The following DAP variants were observed in gnomAD, a reference collection of about 807,000 sequenced individuals.
The protein encoded by DAP is death-associated protein 1.
Under a neutral mutation model 13.8 loss-of-function variants are expected in DAP, and 8 were observed. That is an observed-to-expected ratio of 0.58 (90% CI 0.34 to 1.05). DAP has a LOEUF of 1.05. Ranked by LOEUF, DAP falls within the 50% of genes least tolerant of loss-of-function variation. The probability of loss-of-function intolerance (pLI) is 0.03; values close to 1 mark genes in which losing one functional copy is unlikely to be tolerated. For missense variants in DAP, 106 were observed against 133.2 expected, an observed-to-expected ratio of 0.80 and a Z score of 1.01; for synonymous variants, 47 against 47.5, an observed-to-expected ratio of 0.99 and a Z score of 0.04.
chr5:10,701,329 C>T (rs1326202590), intron 2 of DAP, among the ~76,000 whole-genome samples: 2 of 152,156 alleles, frequency 1.3e-5, no homozygotes, highest in East Asian at 1.9e-4. Context: ...ATGGAGAACG[C>T]AAGTCAAAGA....
Position 10,717,503 on chromosome 5 carries a change from C to T in DAP, c.152+30672G>A, listed in dbSNP as rs113362251. ...ACCATTTTTGCCAGAAGGAATTTCC[C>T]TATTCCCAGTAGTGGCAACATCCCC... On this transcript the variant is annotated intron_variant, in intron 2 of 3. Transcript: ENST00000230895. Among the ~76,000 whole-genome samples, 662 of 152,296 alleles carry T rather than the reference C, an allele frequency of 4.3e-3. 4 individuals carry two copies. The highest frequency in any genetic ancestry group is 0.021 in the South Asian group (102 of 4,826).
At chr5:10,688,589 A>C (rs1296378986) in intron 2 of DAP, among the ~76,000 whole-genome samples, 1 of 152,206 alleles carries the variant, frequency 6.6e-6, no homozygotes, top group African/African-American at 2.4e-5. Flanking sequence ...TTCATTATTG[A>C]AACGCAGACA....
intron 2 of DAP, among the ~76,000 whole-genome samples, chr5:10,728,893 TCTG>T: frequency 6.6e-6 from 1 of 152,334 alleles, no homozygotes; most frequent in East Asian, 1.9e-4. Flanking sequence ...CATCATTTAT[TCTG>T]CTTTTTTCAA....
intron 2 of DAP, among the ~76,000 whole-genome samples, chr5:10,739,458 A>G (rs1317466454): frequency 1.3e-5 from 2 of 152,108 alleles, no homozygotes; most frequent in Non-Finnish European, 2.9e-5. Context: ...CTAATTGACC[A>G]GTGAATTATA....
At chr5:10,704,867 A>G (rs1481347676) in intron 2 of DAP, among the ~76,000 whole-genome samples, 3 of 152,144 alleles carry the variant, frequency 2.0e-5, no homozygotes, top group African/African-American at 7.2e-5. Flanking sequence ...AGAGGTAGAC[A>G]GTCCCTGTGG....
At chr5:10,724,353 C>T (rs578202717) in intron 2 of DAP, among the ~76,000 whole-genome samples, 2 of 152,358 alleles carry the variant, frequency 1.3e-5, no homozygotes, top group Admixed American at 1.3e-4. Context: ...TTAATTCACG[C>T]TGTGCTTTTA....
intron 2 of DAP, among the ~76,000 whole-genome samples, chr5:10,735,692 G>A (rs1739591443): frequency 6.6e-6 from 1 of 151,980 alleles, no homozygotes; most frequent in African/African-American, 2.4e-5. Flanking sequence ...TCAGGAAAAT[G>A]GGCTGCTGCA....
intron 2 of DAP, among the ~76,000 whole-genome samples, chr5:10,739,624 G>C (rs1174680754): frequency 6.6e-6 from 1 of 152,130 alleles, no homozygotes; most frequent in Non-Finnish European, 1.5e-5. Flanking sequence ...TCCAATGGCA[G>C]GGCAGGAAAA....
chr5:10,693,124 G>GCACACACACACACACACA (rs10596228), intron 2 of DAP, among the ~76,000 whole-genome samples: 7 of 148,970 alleles, frequency 4.7e-5, no homozygotes, highest in African/African-American at 1.7e-4. Context: ...ACATGCACAC[G>GCACACACACACACACACA]CACACACACA....
At chr5:10,736,253 C>G (rs1739608812) in intron 2 of DAP, among the ~76,000 whole-genome samples, 1 of 152,182 alleles carries the variant, frequency 6.6e-6, no homozygotes, top group African/African-American at 2.4e-5. Context: ...GTTTTTAAAC[C>G]ACCCAGTTTG....
intron 2 of DAP, 130 bp downstream of exon 2, chr5:10,748,045 G>T (rs1200899788): frequency 3.0e-6 from 2 of 668,734 alleles, no homozygotes; most frequent in Non-Finnish European, 2.6e-6. Context: ...ATTAGGAAGG[G>T]AAAAATACAC....
chr5:10,704,282 A>G lies in DAP; in HGVS notation c.153-20711T>C, dbSNP rs144435164. On this transcript the variant is annotated intron_variant, in intron 2 of 3. Coordinates refer to ENST00000230895, the MANE Select transcript of DAP (RefSeq NM_004394.3). ...TTTTTCTACAGCAAAATGTATGGAT[A>G]TTACACTAAGTAGGATTTAGGGACC... is the stretch of plus-strand genomic sequence containing the variant. 1.4e-3 allele frequency among the ~76,000 whole-genome samples: 210 copies of G among 152,336 alleles called. No individual in the cohort carries two copies. In the East Asian group the frequency reaches 0.035, roughly 25 times the overall value.
intron 2 of DAP, among the ~76,000 whole-genome samples, chr5:10,697,412 C>T (rs1738461750): frequency 6.6e-6 from 1 of 152,186 alleles, no homozygotes; most frequent in Admixed American, 6.5e-5. Context: ...CCCTAAAAAC[C>T]GTTCCATCTT....
chr5:10,701,906 C>T (rs10474883), intron 2 of DAP, among the ~76,000 whole-genome samples: 2 of 152,172 alleles, frequency 1.3e-5, no homozygotes, highest in African/African-American at 4.8e-5. Context: ...TTTCATTTTT[C>T]ATGGAAGAAA....
chr5:10,728,454 T>A (rs946854032), intron 2 of DAP, among the ~76,000 whole-genome samples: 7 of 152,246 alleles, frequency 4.6e-5, no homozygotes, highest in Non-Finnish European at 8.8e-5. Context: ...AGACCTCTGA[T>A]GGACCAAGAC....
At chr5:10,750,044 G>A (rs549201750) in intron 1 of DAP, among the ~76,000 whole-genome samples, 4 of 152,206 alleles carry the variant, frequency 2.6e-5, no homozygotes, top group African/African-American at 7.2e-5. Flanking sequence ...TAGAAAGCAG[G>A]GTCATTTTCC....
chr5:10,715,483 A>G (rs5745223), intron 2 of DAP, among the ~76,000 whole-genome samples: 13,976 of 152,166 alleles, frequency 0.092, 889 homozygotes, highest in African/African-American at 0.18. Flanking sequence ...GGGGCTTCCT[A>G]CAGCAAAATC....
chr5:10,737,964 G>A (rs1291243032), intron 2 of DAP, among the ~76,000 whole-genome samples: 1 of 152,230 alleles, frequency 6.6e-6, no homozygotes, highest in Admixed American at 6.5e-5. Flanking sequence ...GAGACACAGG[G>A]AGAAACCATG....
At chr5:10,760,282 G>T (rs1042142042) in intron 1 of DAP, among the ~76,000 whole-genome samples, 2 of 152,176 alleles carry the variant, frequency 1.3e-5, no homozygotes, top group African/African-American at 4.8e-5. Flanking sequence ...CTGGAAAGGA[G>T]AGTAGAAACG....
Sources: allele counts gnomAD v4.1 joint callset (sites outside exome capture counted in the v4.1 genomes callset), GRCh38; gene constraint gnomAD v4.1.1; transcripts MANE v1.5; gene names NCBI Gene and HGNC (gene_info 2026-07-23, HGNC 2026-07-21).